The following TTC13 variants were observed in gnomAD, a reference collection of about 807,000 sequenced individuals.
TTC13 encodes the protein tetratricopeptide repeat domain 13.
TTC13 carries 62 observed loss-of-function variants against 120.0 expected under a neutral mutation model. That is an observed-to-expected ratio of 0.52 (90% confidence interval 0.42 to 0.64). The LOEUF is 0.64. Among genes scored for constraint, TTC13 ranks in the 30% least tolerant of loss-of-function variants. The pLI, the probability that TTC13 is intolerant of heterozygous loss-of-function variation, is 0.00. For synonymous variants in TTC13, 384 were observed against 393.5 expected (o/e 0.98, Z 0.28); for missense variants, 824 against 1,050.2 (o/e 0.78, Z 2.98).
intron 10 of TTC13, 67 bp from the exon 11 acceptor site, chr1:230,931,539 CT>C (rs1332592043): frequency 1.3e-6 from 2 of 1,565,948 alleles, no homozygotes; most frequent in African/African-American, 2.7e-5. Context: ...TTATTCTTTA[CT>C]CTGGAATTAG....
intron 6 of TTC13, among the ~76,000 whole-genome samples, chr1:230,943,550 C>A (rs540693250): frequency 2.6e-5 from 4 of 151,950 alleles, no homozygotes; most frequent in Non-Finnish European, 5.9e-5. Context: ...AAGTAGTACA[C>A]GTCATATTTT....
At chr1:230,918,347 C>CT (rs1024016393) in intron 17 of TTC13, among the ~76,000 whole-genome samples, 6 of 152,184 alleles carry the variant, frequency 3.9e-5, no homozygotes, top group Non-Finnish European at 8.8e-5. Flanking sequence ...TGGGGCTACA[C>CT]TTATAACTGT....
At chr1:230,947,984 T>G (rs955650801) in intron 4 of TTC13, among the ~76,000 whole-genome samples, 3 of 152,120 alleles carry the variant, frequency 2.0e-5, no homozygotes, top group African/African-American at 7.2e-5. Flanking sequence ...TGCCCTATTC[T>G]AAGCCTTCCT....
At chr1:230,939,519 A>G (rs770688710) in intron 7 of TTC13, 23 bp from the exon 8 acceptor site, 28 of 1,491,436 alleles carry the variant, frequency 1.9e-5, no homozygotes, top group Middle Eastern at 1.7e-4. Flanking sequence ...GAGTGGGGGG[A>G]AAAATAAAAT....
At chr1:230,925,668 A>C in intron 12 of TTC13, 21 bp from the exon 13 acceptor site, 1 of 1,613,016 alleles carries the variant, frequency 6.2e-7, no homozygotes, top group Non-Finnish European at 8.5e-7. Flanking sequence ...CATCATGTAC[A>C]TGATAAGGAC....
At chr1:230,938,144 C>G (rs1049796001) in intron 8 of TTC13, among the ~76,000 whole-genome samples, 3 of 152,230 alleles carry the variant, frequency 2.0e-5, no homozygotes, top group Non-Finnish European at 4.4e-5. Flanking sequence ...CATATCCCTG[C>G]CACACATTAC....
intron 8 of TTC13, among the ~76,000 whole-genome samples, chr1:230,938,371 C>T (rs959084824): frequency 1.3e-5 from 2 of 152,286 alleles, no homozygotes; most frequent in Admixed American, 6.5e-5. Flanking sequence ...GGCAGCTCCC[C>T]GTCAGGTTCC....
At position 230,912,881 on chromosome 1, in the gene TTC13, C is replaced by T. The variant is rs1002931517; in HGVS notation, c.2094-123G>A. The T allele has an allele frequency of 3.6e-6, 3 of 838,550 alleles. No homozygotes were observed. The African/African-American group carries it at 5.1e-5, about 14-fold the overall frequency. The allele number at this position is 838,550 out of a possible 1,614,324, so 51.9% of individuals were successfully genotyped here. On this transcript the variant is annotated intron_variant, in intron 18 of 22. Coordinates refer to ENST00000366661, the MANE Select transcript of TTC13 (RefSeq NM_024525.5). ...GCACTAAACATATACAAGAATGTACCTTACCTTTCTAACTATAGACAAGCA... is the reference window on the plus strand; with the variant it reads ...GCACTAAACATATACAAGAATGTACTTTACCTTTCTAACTATAGACAAGCA...
Position 230,978,529 on chromosome 1 carries a change from C to A in TTC13, c.271+31G>T. On this transcript the variant is annotated intron_variant, in intron 1 of 22. Coordinates refer to ENST00000366661, the MANE Select transcript of TTC13 (RefSeq NM_024525.5). This position sits in a 1 kb window ranked among gnomAD's most constrained non-coding sequence, Gnocchi z 5.6. ...CAGCCCCGCTGCCCCGCCGCCCCGGCCGACTCGGACGCCCGCCGCCGCCCA... is the reference window on the plus strand; with the variant it reads ...CAGCCCCGCTGCCCCGCCGCCCCGGACGACTCGGACGCCCGCCGCCGCCCA... 1 of 751,340 alleles carries A rather than the reference C, an allele frequency of 1.3e-6. No homozygotes were observed. The highest frequency in any genetic ancestry group is 1.8e-5 in the African/African-American group (1 of 54,462). The allele number at this position is 751,340 out of a possible 1,614,324, so 46.5% of individuals were successfully genotyped here. A position where few individuals can be genotyped will look rare whatever the true frequency, so the allele number is the denominator to read the frequency against.
At chr1:230,949,502 T>A (rs1257813742) in intron 4 of TTC13, among the ~76,000 whole-genome samples, 1 of 150,454 alleles carries the variant, frequency 6.6e-6, no homozygotes, top group Non-Finnish European at 1.5e-5. Context: ...ACTGCAGGAT[T>A]GGATGTGTGC....
At chr1:230,908,037 A>G (rs1671108890) in intron 22 of TTC13, among the ~76,000 whole-genome samples, 1 of 122,246 alleles carries the variant, frequency 8.2e-6, no homozygotes, top group Admixed American at 8.4e-5. Flanking sequence ...GCTAAGTGCT[A>G]CCACTCAGAG....
At chr1:230,925,670 G>T in intron 12 of TTC13, 23 bp from the exon 13 acceptor site, 1 of 1,612,716 alleles carries the variant, frequency 6.2e-7, no homozygotes, top group South Asian at 1.1e-5. Flanking sequence ...TCATGTACAT[G>T]ATAAGGACTT....
At chr1:230,954,096 G>C (rs1053674747) in intron 4 of TTC13, among the ~76,000 whole-genome samples, 1 of 152,074 alleles carries the variant, frequency 6.6e-6, no homozygotes, top group African/African-American at 2.4e-5. Context: ...TGCTTGACCT[G>C]ATTAGATTCC....
At position 230,916,310 on chromosome 1, in the gene TTC13, G is replaced by A. The variant is rs1186167470; in HGVS notation, c.1984-8C>T. On this transcript the variant is annotated splice_polypyrimidine_tract_variant and splice_region_variant and intron_variant, in intron 17 of 22. Coordinates refer to ENST00000366661, the MANE Select transcript of TTC13 (RefSeq NM_024525.5). ...CGTTTTAGTATTAAACTGCTTTCAGGGAAAAAGAAAATTCACGTTACTAGT... is the reference window on the plus strand; with the variant it reads ...CGTTTTAGTATTAAACTGCTTTCAGAGAAAAAGAAAATTCACGTTACTAGT... 2.5e-6 allele frequency: 4 copies of A among 1,604,558 alleles called. No homozygotes were observed. Among genetic ancestry groups the A allele is most frequent in the East Asian group, 4.5e-5 (2 of 44,826 alleles).
intron 18 of TTC13, among the ~76,000 whole-genome samples, chr1:230,915,170 G>A (rs1311670179): frequency 1.3e-5 from 2 of 152,200 alleles, no homozygotes; most frequent in African/African-American, 4.8e-5. Flanking sequence ...GCCTGTTTAA[G>A]TTTTGACATG....
At chr1:230,909,103 T>C in intron 20 of TTC13, 83 bp from the exon 21 acceptor site, 1 of 1,145,690 alleles carries the variant, frequency 8.7e-7, no homozygotes, top group Non-Finnish European at 1.3e-6. Context: ...CTTCCCATCA[T>C]GAAAGATAAA....
chr1:230,934,068 T>C (rs1890352), intron 8 of TTC13, among the ~76,000 whole-genome samples: 103,779 of 152,018 alleles, frequency 0.68, 35,526 homozygotes, highest in Admixed American at 0.72. Context: ...ATGAAAAATA[T>C]GAGCCTTAAA....
intron 9 of TTC13, among the ~76,000 whole-genome samples, chr1:230,933,539 T>G (rs1673760242): frequency 6.6e-6 from 1 of 152,194 alleles, no homozygotes; most frequent in Non-Finnish European, 1.5e-5. Flanking sequence ...GATGAACGTT[T>G]TCTAGACCAA....
At chr1:230,964,760 T>C (rs1255558232) in intron 1 of TTC13, among the ~76,000 whole-genome samples, 2 of 152,210 alleles carry the variant, frequency 1.3e-5, no homozygotes, top group East Asian at 1.9e-4. Flanking sequence ...CAAAACAGCA[T>C]GGTACTGGCA....
Sources: allele counts gnomAD v4.1 joint callset (sites outside exome capture counted in the v4.1 genomes callset), GRCh38; gene constraint gnomAD v4.1.1; non-coding constraint Gnocchi (gnomAD v3.1); transcripts MANE v1.5; gene names NCBI Gene and HGNC (gene_info 2026-07-23, HGNC 2026-07-21).